CFAP92: variants seen among roughly 807,000 people sequenced by gnomAD.
CFAP92 encodes the protein cilia and flagella associated protein 92 (putative), also known as uncharacterized protein CFAP92.
Under a neutral mutation model 106.3 loss-of-function variants are expected in CFAP92, and 86 were observed. The ratio of observed to expected loss-of-function variants is 0.81; its 90% CI spans 0.68 to 0.97. The LOEUF (loss-of-function observed/expected upper bound fraction) is 0.97, where lower values mean the gene tolerates loss of function less well. CFAP92 is among the 50% of genes least tolerant of loss of function. The probability of loss-of-function intolerance (pLI) is 0.00; values close to 1 mark genes in which losing one functional copy is unlikely to be tolerated. For missense variants in CFAP92, 1,204 were observed against 1,283.8 expected, an observed-to-expected ratio of 0.94 and a Z score of 0.95; for synonymous variants, 477 against 506.4, an observed-to-expected ratio of 0.94 and a Z score of 0.78.
chr3:128,960,847 G>A (rs1941849940), intron 9 of CFAP92, among the ~76,000 whole-genome samples: 1 of 152,112 alleles, frequency 6.6e-6, no homozygotes, highest in African/African-American at 2.4e-5. Context: ...ACTTTCCTGG[G>A]GCAGGGGCAA....
At chr3:128,923,461 C>T (rs1362070120) in intron 12 of CFAP92, among the ~76,000 whole-genome samples, 14 of 152,202 alleles carry the variant, frequency 9.2e-5, no homozygotes, top group Admixed American at 9.2e-4. Flanking sequence ...TCCTCTCTAC[C>T]CTGAATACAA....
chr3:128,916,159 G>T lies in CFAP92; in HGVS notation c.2864C>A (p.Thr955Asn). The part of the protein sequence containing the change: ...NKAVYNYSTQ[T>N]MNSTELAKKE... ...CTTGGCAAGCTCTGTAGAATTCATG[G>T]TCTGGGTACTATAGTTGTAGACGGC... is the stretch of plus-strand genomic sequence containing the variant. The change falls in exon 13 of 16, where the codon ACC (threonine) becomes AAC (asparagine). Residue 955 changes from threonine (T) to asparagine (N), a missense_variant. Coordinates refer to ENST00000645291, the MANE Select transcript of CFAP92 (RefSeq NM_001394090.1). 8.1e-7 allele frequency: 1 copy of T among 1,232,176 alleles called. No homozygotes were observed. The highest frequency in any genetic ancestry group is 3.2e-5 in the East Asian group (1 of 31,702). The allele number at this position is 1,232,176 out of a possible 1,614,324, so 76.3% of individuals were successfully genotyped here. A position where few individuals can be genotyped will look rare whatever the true frequency, so the allele number is the denominator to read the frequency against.
At position 128,924,428 on chromosome 3, in the gene CFAP92, GTATCT is replaced by G. The variant is rs1937525646; in HGVS notation, c.2752-8162_2752-8158del. 5.5e-5 allele frequency among the ~76,000 whole-genome samples: 6 copies of G among 109,674 alleles called. 1 individual carries two copies. In the South Asian group the frequency reaches 2.0e-3, roughly 37 times the overall value. 72.0% of individuals were successfully genotyped at this position (109,674 alleles called of 152,430 possible). A position where few individuals can be genotyped will look rare whatever the true frequency, so the allele number is the denominator to read the frequency against. ...GCACTCCCAGGCTCATAGAACGATT[GTATCT>G]TTTTTTTTTTTTTTTTTTTTTTTTT... On this transcript the variant is annotated intron_variant, in intron 12 of 15. Transcript: ENST00000645291.
At chr3:129,023,936 G>T in the CFAP92 span, among the ~76,000 whole-genome samples, 1 of 152,134 alleles carries the variant, frequency 6.6e-6, no homozygotes, top group Non-Finnish European at 1.5e-5. Context: ...GTCCTTTCTG[G>T]AACAATCCAA....
chr3:128,990,150 A>T (rs960266691), intron 2 of CFAP92, among the ~76,000 whole-genome samples: 2 of 152,270 alleles, frequency 1.3e-5, no homozygotes, highest in African/African-American at 4.8e-5. Flanking sequence ...TTAGAGACAT[A>T]TAATGGAATA....
At position 128,993,107 on chromosome 3, in the gene CFAP92, G is replaced by C. The variant is rs753909976; in HGVS notation, c.198C>G (p.Ser66Arg). ...AGGGGACCACGTGGGGCACGTCGGAGCTGAAAGTGCTGGCAGGCTCAGATG... is the reference window on the plus strand; with the variant it reads ...AGGGGACCACGTGGGGCACGTCGGACCTGAAAGTGCTGGCAGGCTCAGATG... ...ESSSEPASTF[S>R]SDVPHVVPCK... Residue 66 changes from serine to arginine, a missense_variant, in exon 2 of 16, where the codon AGC (serine) becomes AGG (arginine). Ser to Arg is a moderately radical substitution (Grantham distance 110, BLOSUM62 -1). Transcript: ENST00000645291. 5.6e-6 allele frequency: 9 copies of C among 1,614,122 alleles called. No individual in the cohort carries two copies. The highest frequency in any genetic ancestry group is 7.6e-6 in the Non-Finnish European group (9 of 1,179,912).
At chr3:128,947,997 T>TA (rs1940402021) in intron 9 of CFAP92, among the ~76,000 whole-genome samples, 1 of 152,092 alleles carries the variant, frequency 6.6e-6, no homozygotes, top group Admixed American at 6.6e-5. Flanking sequence ...AATGTATAAT[T>TA]TGGACTTCAT....
At chr3:128,931,039 G>A (rs549432816) in intron 12 of CFAP92, among the ~76,000 whole-genome samples, 1 of 152,252 alleles carries the variant, frequency 6.6e-6, no homozygotes, top group East Asian at 1.9e-4. Flanking sequence ...CCAAGTAGAT[G>A]AGATTACAAG....
At chr3:129,018,705 C>T in the CFAP92 span, among the ~76,000 whole-genome samples, 1 of 152,212 alleles carries the variant, frequency 6.6e-6, no homozygotes, top group Non-Finnish European at 1.5e-5. Context: ...ACTCTCTCAC[C>T]TCTTGTTCCC....
At chr3:128,922,184 A>T (rs1374052772) in intron 12 of CFAP92, among the ~76,000 whole-genome samples, 1 of 134,306 alleles carries the variant, frequency 7.4e-6, no homozygotes, top group Non-Finnish European at 1.5e-5. Flanking sequence ...CTAAAAATAC[A>T]AAAAAAAAAT....
chr3:128,992,412 A>T (rs1225189775), intron 2 of CFAP92, among the ~76,000 whole-genome samples: 1 of 151,796 alleles, frequency 6.6e-6, no homozygotes, highest in Admixed American at 6.6e-5. Flanking sequence ...AAATACAAAA[A>T]TTAGATGGGT....
rs1559894885 is a variant in CFAP92 at position 128,956,224 on chromosome 3, A to AAG, written c.1353+9286_1353+9287insCT. ...AAAAAAAATAAAAAAATAAAAAAAA[A>AAG]AAAAGAAAATAGAAAGAAAAAAAGA... On this transcript the variant is annotated intron_variant, in intron 9 of 15. Coordinates refer to ENST00000645291, the MANE Select transcript of CFAP92 (RefSeq NM_001394090.1). Among the ~76,000 whole-genome samples, 14 of 100,450 alleles carry AAG rather than the reference A, an allele frequency of 1.4e-4. 1 individual carries two copies. The highest frequency in any genetic ancestry group is 8.2e-4 in the African/African-American group (14 of 16,972). 65.9% of individuals were successfully genotyped at this position (100,450 alleles called of 152,430 possible).
intron 4 of CFAP92, among the ~76,000 whole-genome samples, chr3:128,982,662 T>C (rs142828752): frequency 2.6e-4 from 40 of 152,314 alleles, no homozygotes; most frequent in African/African-American, 9.1e-4. Flanking sequence ...TTTCAAGCTT[T>C]TGACTTAAAG....
At chr3:128,981,343 G>A (rs1943523846) in intron 4 of CFAP92, among the ~76,000 whole-genome samples, 1 of 134,508 alleles carries the variant, frequency 7.4e-6, no homozygotes, top group Non-Finnish European at 1.6e-5. Context: ...GCCTTGTTTT[G>A]TTTTTGAGAT....
chr3:129,013,344 A>G, the CFAP92 span, among the ~76,000 whole-genome samples: 1 of 152,216 alleles, frequency 6.6e-6, no homozygotes, highest in Non-Finnish European at 1.5e-5. Flanking sequence ...AAGCACTCTC[A>G]CTGCCTTAGG....
At chr3:128,978,400 T>C in intron 4 of CFAP92, 1 of 413,848 alleles carries the variant, frequency 2.4e-6, no homozygotes, top group Non-Finnish European at 4.2e-6. Context: ...AAGCATTATA[T>C]CTAAAAAAAA....
At chr3:128,947,373 C>T (rs192882871) in intron 9 of CFAP92, among the ~76,000 whole-genome samples, 36 of 152,292 alleles carry the variant, frequency 2.4e-4, no homozygotes, top group Non-Finnish European at 1.6e-4. Flanking sequence ...AATCCCAGCA[C>T]AACTTTTTGT....
upstream of CFAP92, among the ~76,000 whole-genome samples, chr3:129,007,363 A>G (rs577911732): frequency 9.2e-5 from 14 of 152,284 alleles, no homozygotes; most frequent in African/African-American, 2.9e-4. Flanking sequence ...AAAGGGCCCC[A>G]TGCCCCAAAC....
chr3:128,964,109 T>C (rs1019626891), intron 9 of CFAP92, among the ~76,000 whole-genome samples: 7 of 152,214 alleles, frequency 4.6e-5, no homozygotes, highest in Non-Finnish European at 8.8e-5. Flanking sequence ...CCTTTATTAG[T>C]CAAATCAGCC....
Sources: gnomAD v4.1 joint callset for allele counts (sites outside exome capture counted in the v4.1 genomes callset) on GRCh38, gnomAD v4.1.1 for gene constraint, MANE v1.5 for transcripts, NCBI Gene and HGNC (gene_info 2026-07-23, HGNC 2026-07-21) for gene names.